Variants in PRCP observed in about 807,000 individuals in gnomAD.
PRCP encodes the protein prolylcarboxypeptidase.
PRCP carries 46 observed loss-of-function variants against 54.2 expected under a neutral mutation model. The ratio of observed to expected loss-of-function variants is 0.85; its 90% confidence interval spans 0.67 to 1.09. The LOEUF (loss-of-function observed/expected upper bound fraction) is 1.09. Ranked by LOEUF, PRCP falls within the 50% of genes least tolerant of loss-of-function variation. The pLI, the probability that PRCP is intolerant of heterozygous loss-of-function variation, is 0.00. For missense variants in PRCP, 613 were observed against 596.8 expected, an observed-to-expected ratio of 1.03 and a Z score of -0.28; for synonymous variants, 240 against 212.2, an observed-to-expected ratio of 1.13 and a Z score of -1.14.
At chr11:82,888,429 C>T (rs759219823) in intron 1 of PRCP, among the ~76,000 whole-genome samples, 5 of 152,200 alleles carry the variant, frequency 3.3e-5, no homozygotes, top group Non-Finnish European at 7.3e-5. Flanking sequence ...CTGGCTTCCA[C>T]TTGCAAATGA....
chr11:82,890,893 C>T (rs1843923209), intron 1 of PRCP, among the ~76,000 whole-genome samples: 1 of 152,226 alleles, frequency 6.6e-6, no homozygotes, highest in East Asian at 1.9e-4. Flanking sequence ...TCCAACTGTT[C>T]CTTCTCAGTC....
rs1189980279 is a variant in PRCP at position 82,885,530 on chromosome 11, T to C, written c.168+14705A>G. Among the ~76,000 whole-genome samples, 5 of 152,320 alleles carry C rather than the reference T, an allele frequency of 3.3e-5. No individual in the cohort carries two copies. In the East Asian group the frequency reaches 5.8e-4, roughly 18 times the overall value. ...TTCAGTCTAATATCCTTTTAAATTA[T>C]ACACTTTATTAAATAGAAGAACGCA... On this transcript the variant is annotated intron_variant, in intron 1 of 8. Transcript: ENST00000313010.
chr11:82,850,137 T>C (rs1428077806), intron 4 of PRCP, 66 bp from the exon 5 acceptor site: 2 of 871,694 alleles, frequency 2.3e-6, no homozygotes, highest in Non-Finnish European at 3.1e-6. Context: ...ATTATATATA[T>C]GTCATCTAAA....
At chr11:82,845,035 A>G (rs1391957621) in intron 6 of PRCP, among the ~76,000 whole-genome samples, 2 of 76,866 alleles carry the variant, frequency 2.6e-5, no homozygotes, top group Non-Finnish European at 5.0e-5. Flanking sequence ...ATGTAATAGT[A>G]AAAAAAAAAA....
chr11:82,850,539 T>C, intron 3 of PRCP, 34 bp from the exon 4 acceptor site: 4 of 1,457,304 alleles, frequency 2.7e-6, no homozygotes, highest in Non-Finnish European at 2.8e-6. Flanking sequence ...CGGGTATAAA[T>C]GTGCACATAA....
chr11:82,840,930 C>A (rs963625762), intron 6 of PRCP: 2 of 151,810 alleles, frequency 1.3e-5, no homozygotes, highest in Non-Finnish European at 2.9e-5. Flanking sequence ...GAAGTGTCCA[C>A]CTGTAAAACT....
At chr11:82,880,195 C>A (rs944731895) in intron 1 of PRCP, among the ~76,000 whole-genome samples, 1 of 152,218 alleles carries the variant, frequency 6.6e-6, no homozygotes, top group African/African-American at 2.4e-5. Context: ...CCACCCAGTT[C>A]GAGCTTCCCG....
intron 1 of PRCP, among the ~76,000 whole-genome samples, chr11:82,889,226 C>A (rs936331986): frequency 1.3e-5 from 2 of 151,832 alleles, no homozygotes; most frequent in African/African-American, 4.8e-5. Flanking sequence ...GGCATGGTGG[C>A]ACAAGCCTTT....
At position 82,897,444 on chromosome 11, in the gene PRCP, C is replaced by T. The variant is rs567238555; in HGVS notation, c.168+2791G>A. On this transcript the variant is annotated intron_variant, in intron 1 of 8. Coordinates refer to ENST00000313010, the MANE Select transcript of PRCP (RefSeq NM_005040.4). ...TCTTCTAGGTATTGTAGAGTACTAA[C>T]GAGCTGGAGGGACACATACAATATA... Among the ~76,000 whole-genome samples, 128 of 152,092 alleles carry T rather than the reference C, an allele frequency of 8.4e-4. 1 individual carries two copies. Among genetic ancestry groups the T allele is most frequent in the Admixed American group, 1.5e-3 (23 of 15,282 alleles).
At chr11:82,853,097 C>G in intron 3 of PRCP, 80 bp downstream of exon 3, 1 of 982,558 alleles carries the variant, frequency 1.0e-6, no homozygotes, top group Admixed American at 3.1e-5. Context: ...TAAGTTATCT[C>G]ACAGTGGGGC....
chr11:82,867,018 G>A (rs953460435), intron 1 of PRCP, among the ~76,000 whole-genome samples: 1 of 152,138 alleles, frequency 6.6e-6, no homozygotes, highest in East Asian at 1.9e-4. Context: ...CACCGCGCCC[G>A]GCCATAGATA....
At position 82,840,439 on chromosome 11, in the gene PRCP, A is replaced by G. The variant is rs565879814; in HGVS notation, c.922-1014T>C. 5 of 152,316 alleles carry G rather than the reference A, an allele frequency of 3.3e-5. No individual in the cohort carries two copies. In the South Asian group the frequency reaches 1.0e-3, roughly 32 times the overall value. 9.4% of individuals were successfully genotyped at this position (152,316 alleles called of 1,614,324 possible). A position where few individuals can be genotyped will look rare whatever the true frequency, so the allele number is the denominator to read the frequency against. On this transcript the variant is annotated intron_variant, in intron 6 of 8. Transcript: ENST00000313010. The stretch of plus-strand genomic sequence containing the variant: ...TAAAGCTGAAGTATTTAAGAGGAAG[A>G]TGTCTGCAATTTACTTTAAAATTCA...
intron 3 of PRCP, among the ~76,000 whole-genome samples, chr11:82,852,685 G>A (rs1201805653): frequency 1.3e-5 from 2 of 152,184 alleles, no homozygotes; most frequent in Non-Finnish European, 2.9e-5. Context: ...CAAAGCTCCT[G>A]TGAGAACAGG....
In PRCP at chr11:82,849,191, G is replaced by C. The variant is rs950337175; in HGVS notation, c.779C>G (p.Ala260Gly). 14 of 1,613,980 alleles carry C rather than the reference G, an allele frequency of 8.7e-6. No homozygotes were observed. Among genetic ancestry groups the C allele is most frequent in the Non-Finnish European group, 1.1e-5 (13 of 1,179,910 alleles). ...AGTTAATGGGCTGCATAAGTGAAGG[G>C]CTCCAGTAAGCCACTGCAAACCACT... Reference protein sequence around the residue: ...TGSGLQWLTGALHLCSPLTSQ... With the variant: ...TGSGLQWLTGGLHLCSPLTSQ... Residue 260 changes from alanine to glycine, a missense_variant, in exon 6 of 9, where the codon GCC (alanine) becomes GGC (glycine). Transcript: ENST00000313010.
chr11:82,893,471 TATA>T (rs1252478585), intron 1 of PRCP, among the ~76,000 whole-genome samples: 1 of 152,208 alleles, frequency 6.6e-6, no homozygotes, highest in Non-Finnish European at 1.5e-5. Context: ...TATAGCTCAG[TATA>T]ATAATTTAAC....
intron 2 of PRCP, among the ~76,000 whole-genome samples, chr11:82,857,034 CAAAAAAAA>C (rs11388763): frequency 3.4e-5 from 4 of 119,032 alleles, no homozygotes; most frequent in Admixed American, 8.9e-5. Flanking sequence ...GCCTCTGTCT[CAAAAAAAA>C]AAAAAAAAAA....
intron 1 of PRCP, among the ~76,000 whole-genome samples, chr11:82,873,893 A>C (rs1859535937): frequency 6.6e-6 from 1 of 152,260 alleles, no homozygotes; most frequent in Admixed American, 6.5e-5. Context: ...CAAAGGAAGC[A>C]GCTGAGGAAA....
At chr11:82,895,151 T>C (rs1457684651) in intron 1 of PRCP, among the ~76,000 whole-genome samples, 1 of 152,210 alleles carries the variant, frequency 6.6e-6, no homozygotes, top group Non-Finnish European at 1.5e-5. Context: ...GTGCTAAATA[T>C]GCACTTTACA....
chr11:82,836,782 A>C (rs1858537737), intron 8 of PRCP: 1 of 243,296 alleles, frequency 4.1e-6, no homozygotes, highest in Non-Finnish European at 8.2e-6. Flanking sequence ...TCCTGGGCTC[A>C]AGCAAGCCAT....
Sources: gnomAD v4.1 joint callset for allele counts (sites outside exome capture counted in the v4.1 genomes callset) on GRCh38, gnomAD v4.1.1 for gene constraint, MANE v1.5 for transcripts, NCBI Gene and HGNC (gene_info 2026-07-23, HGNC 2026-07-21) for gene names.